Variants in SLC24A3 observed in about 807,000 individuals in gnomAD.
The protein encoded by SLC24A3 is solute carrier family 24 member 3.
In SLC24A3, 28 loss-of-function variants were observed where a neutral mutation model predicts 75.8. The ratio of observed to expected loss-of-function variants is 0.37; its 90% CI spans 0.27 to 0.51. The LOEUF (loss-of-function observed/expected upper bound fraction) is 0.51, where lower values mean the gene tolerates loss of function less well. SLC24A3 is among the 20% of genes least tolerant of loss of function. The pLI is 0.94. For synonymous variants in SLC24A3, 372 were observed against 334.1 expected (o/e 1.11, Z -1.24); for missense variants, 663 against 847.8 (o/e 0.78, Z 2.71).
At chr20:19,387,969 G>A (rs895219620) in intron 2 of SLC24A3, among the ~76,000 whole-genome samples, 4 of 151,950 alleles carry the variant, frequency 2.6e-5, no homozygotes, top group Non-Finnish European at 5.9e-5. Flanking sequence ...TAATTTTTGT[G>A]TGTTCATAGT....
chr20:19,283,722 T>G (rs771547162), intron 2 of SLC24A3, among the ~76,000 whole-genome samples: 22 of 152,218 alleles, frequency 1.4e-4, no homozygotes, highest in Admixed American at 2.0e-4. Context: ...TCTGTGTGCT[T>G]CTCTAGAAGT....
intron 2 of SLC24A3, among the ~76,000 whole-genome samples, chr20:19,365,290 T>C (rs1195633131): frequency 6.6e-6 from 1 of 152,128 alleles, no homozygotes; most frequent in Admixed American, 6.5e-5. Flanking sequence ...ATGCACATTC[T>C]CAGGCCCCAC....
rs532145613 is a variant in SLC24A3, at chr20:19,458,704, A to G, written c.272-56784A>G. The stretch of plus-strand genomic sequence containing the variant: ...TCAGCAAGTCCTTTCTTTCTAAAGA[A>G]GAATATTCCATTTTATATACATCCC... On this transcript the variant is annotated intron_variant, in intron 2 of 16. Coordinates refer to ENST00000328041, the MANE Select transcript of SLC24A3 (RefSeq NM_020689.4). Among the ~76,000 whole-genome samples, 5 of 152,334 alleles carry G rather than the reference A, an allele frequency of 3.3e-5. No homozygotes were observed. In the South Asian group the frequency reaches 1.0e-3, roughly 32 times the overall value.
chr20:19,671,479 G>A (rs2032466090), intron 8 of SLC24A3, among the ~76,000 whole-genome samples: 1 of 152,182 alleles, frequency 6.6e-6, no homozygotes, highest in Non-Finnish European at 1.5e-5. Flanking sequence ...GGGCACAGTA[G>A]AGAAGAAAGA....
chr20:19,229,112 G>C (rs549645201), intron 1 of SLC24A3, among the ~76,000 whole-genome samples: 1 of 152,190 alleles, frequency 6.6e-6, no homozygotes, highest in Non-Finnish European at 1.5e-5. Flanking sequence ...TGTTTTCCTA[G>C]AGAAGTGTTA....
At chr20:19,564,328 T>C (rs563808754) in intron 3 of SLC24A3, among the ~76,000 whole-genome samples, 1 of 152,314 alleles carries the variant, frequency 6.6e-6, no homozygotes, top group South Asian at 2.1e-4. Flanking sequence ...CTGGCTTGGA[T>C]TGGAGTCACA....
At chr20:19,716,922 G>T (rs1224696029) in intron 15 of SLC24A3, among the ~76,000 whole-genome samples, 1 of 151,956 alleles carries the variant, frequency 6.6e-6, no homozygotes, top group South Asian at 2.1e-4. Context: ...CTCTTCATTG[G>T]CTGTTATCCC....
At chr20:19,568,352 G>A (rs763266296) in intron 3 of SLC24A3, among the ~76,000 whole-genome samples, 2 of 152,134 alleles carry the variant, frequency 1.3e-5, no homozygotes, top group Non-Finnish European at 2.9e-5. Flanking sequence ...GCTAAAAGGT[G>A]GAAACAGACT....
chr20:19,547,361 G>A (rs1461275130), intron 3 of SLC24A3, among the ~76,000 whole-genome samples: 1 of 152,198 alleles, frequency 6.6e-6, no homozygotes, highest in Non-Finnish European at 1.5e-5. Flanking sequence ...GCTAATCATT[G>A]GTGACCTGAA....
intron 2 of SLC24A3, among the ~76,000 whole-genome samples, chr20:19,379,682 T>C (rs567815467): frequency 6.6e-6 from 1 of 152,126 alleles, no homozygotes; most frequent in African/African-American, 2.4e-5. Context: ...GTATAAAAAA[T>C]GATTAAATCT....
In SLC24A3 at chr20:19,395,339, T is replaced by A. The variant is rs181384044; in HGVS notation, c.271+114252T>A. Among the ~76,000 whole-genome samples the A allele has an allele frequency of 4.7e-4, 71 of 152,366 alleles. 1 individual carries two copies. The highest frequency in any genetic ancestry group is 1.5e-3 in the African/African-American group (62 of 41,592). ...TTAAAATGGTAAATTTTATGTCATATGCATTTTATCACAATTTTAAAAAGT... is the reference window on the plus strand; with the variant it reads ...TTAAAATGGTAAATTTTATGTCATAAGCATTTTATCACAATTTTAAAAAGT... On this transcript the variant is annotated intron_variant, in intron 2 of 16. Coordinates refer to ENST00000328041, the MANE Select transcript of SLC24A3 (RefSeq NM_020689.4).
chr20:19,429,004 C>T (rs1470080058), intron 2 of SLC24A3, among the ~76,000 whole-genome samples: 2 of 152,174 alleles, frequency 1.3e-5, no homozygotes, highest in African/African-American at 2.4e-5. Context: ...GTTCTTCCCT[C>T]CCCCTCCAGT....
chr20:19,280,050 T>C (rs926657982), intron 1 of SLC24A3, among the ~76,000 whole-genome samples: 1 of 152,190 alleles, frequency 6.6e-6, no homozygotes, highest in African/African-American at 2.4e-5. Flanking sequence ...ACCCCAAAGA[T>C]TTAAAAAGAA....
intron 6 of SLC24A3, among the ~76,000 whole-genome samples, chr20:19,618,325 G>A (rs995708050): frequency 3.3e-5 from 5 of 152,332 alleles, no homozygotes; most frequent in Admixed American, 2.6e-4. Flanking sequence ...GGAAGTCTGA[G>A]ATCAAGGTGT....
intron 15 of SLC24A3, among the ~76,000 whole-genome samples, chr20:19,712,718 C>T (rs1044794207): frequency 6.6e-6 from 1 of 152,190 alleles, no homozygotes; most frequent in Non-Finnish European, 1.5e-5. Flanking sequence ...AAGTAATACA[C>T]ATTAATAGCC....
intron 6 of SLC24A3, among the ~76,000 whole-genome samples, chr20:19,605,400 G>A (rs897283317): frequency 8.5e-5 from 13 of 152,062 alleles, no homozygotes; most frequent in African/African-American, 2.4e-4. Flanking sequence ...CTTTCTCTAC[G>A]AAAGAGGTTT....
intron 7 of SLC24A3, among the ~76,000 whole-genome samples, chr20:19,659,902 C>A (rs1172698027): frequency 6.6e-6 from 1 of 152,158 alleles, no homozygotes; most frequent in African/African-American, 2.4e-5. Context: ...TCCAGCCACC[C>A]CCTGCTAGAA....
At chr20:19,454,488 G>A (rs1053902612) in intron 2 of SLC24A3, among the ~76,000 whole-genome samples, 1 of 152,278 alleles carries the variant, frequency 6.6e-6, no homozygotes, top group East Asian at 1.9e-4. Flanking sequence ...TGCTATGTTA[G>A]CAATTGGTTG....
intron 1 of SLC24A3, among the ~76,000 whole-genome samples, chr20:19,223,771 A>G (rs537023203): frequency 2.2e-4 from 33 of 152,336 alleles, no homozygotes; most frequent in African/African-American, 7.9e-4. Context: ...AGTCAGGTGC[A>G]TGACGTAGGC....
Sources: allele counts gnomAD v4.1 joint callset (sites outside exome capture counted in the v4.1 genomes callset), GRCh38; gene constraint gnomAD v4.1.1; transcripts MANE v1.5; gene names NCBI Gene and HGNC (gene_info 2026-07-23, HGNC 2026-07-21).